The following GABRG3 variants were observed in gnomAD, a reference collection of about 807,000 sequenced individuals.
GABRG3 encodes gamma-aminobutyric acid receptor subunit gamma-3.
Under a neutral mutation model 48.8 loss-of-function variants are expected in GABRG3, and 25 were observed. That is an observed-to-expected ratio of 0.51 (90% CI 0.37 to 0.72). The LOEUF (loss-of-function observed/expected upper bound fraction) is 0.72. Ranked by LOEUF, GABRG3 falls within the 30% of genes least tolerant of loss-of-function variation. The pLI, the probability that GABRG3 is intolerant of heterozygous loss-of-function variation, is 0.00. For synonymous variants in GABRG3, 227 were observed against 217.6 expected (o/e 1.04, Z -0.38); for missense variants, 394 against 577.9 (o/e 0.68, Z 3.26).
chr15:27,308,082 A>G (rs1409997364), intron 3 of GABRG3, among the ~76,000 whole-genome samples: 2 of 134,664 alleles, frequency 1.5e-5, no homozygotes, highest in East Asian at 4.4e-4. Context: ...ATGTTTATAC[A>G]TCCAAACATA....
At position 27,466,082 on chromosome 15, in the gene GABRG3, G is replaced by T. The variant is rs543683784; in HGVS notation, c.575-14568G>T. On this transcript the variant is annotated intron_variant, in intron 5 of 9. Transcript: ENST00000615808. ...AACAACCTGTAGGCTTCAATTCAAG[G>T]CCCCTTATTTCATAAGGAAAAACAC... Among the ~76,000 whole-genome samples the T allele has an allele frequency of 2.6e-5, 4 of 152,274 alleles. No individual in the cohort carries two copies. In the East Asian group the frequency reaches 5.8e-4, roughly 22 times the overall value.
At chr15:27,503,488 A>G (rs968487241) in intron 6 of GABRG3, among the ~76,000 whole-genome samples, 3 of 152,182 alleles carry the variant, frequency 2.0e-5, no homozygotes, top group Non-Finnish European at 4.4e-5. Context: ...GGAATCATAT[A>G]AAATGGAACT....
At chr15:27,526,800 T>G (rs1891286709) in intron 7 of GABRG3, among the ~76,000 whole-genome samples, 1 of 152,222 alleles carries the variant, frequency 6.6e-6, no homozygotes, top group African/African-American at 2.4e-5. Context: ...GCCTCAAATG[T>G]GCTAGCGTCT....
chr15:27,532,873 T>C lies in GABRG3; in HGVS notation c.1396T>C (p.Tyr466His). Reference protein sequence around the residue: ...FNLVYWVGYLYL With the variant: ...FNLVYWVGYLHL The stretch of plus-strand genomic sequence containing the variant: ...CCTGGTCTACTGGGTTGGATACCTG[T>C]ATCTCTAAGTGTTGCTCAGAGTGAA... The change falls in exon 10 of 10, where the codon TAT becomes CAT. Residue 466 changes from tyrosine (Y) to histidine (H), a missense_variant. Transcript: ENST00000615808. 6.2e-7 allele frequency: 1 copy of C among 1,613,718 alleles called. No homozygotes were observed. The highest frequency in any genetic ancestry group is 8.5e-7 in the Non-Finnish European group (1 of 1,179,776).
intron 5 of GABRG3, among the ~76,000 whole-genome samples, chr15:27,468,508 G>A (rs1889686332): frequency 6.6e-6 from 1 of 152,106 alleles, no homozygotes; most frequent in African/African-American, 2.4e-5. Flanking sequence ...GTTGGTCTTA[G>A]CCAGTTTGGT....
intron 3 of GABRG3, among the ~76,000 whole-genome samples, chr15:27,271,876 G>A (rs149848583): frequency 6.6e-6 from 1 of 152,320 alleles, no homozygotes; most frequent in Non-Finnish European, 1.5e-5. Context: ...CTTAAACTGG[G>A]GTGGCTTAAT....
intron 2 of GABRG3, among the ~76,000 whole-genome samples, chr15:26,997,721 T>G (rs1566904139): frequency 6.6e-6 from 1 of 152,212 alleles, no homozygotes; most frequent in Non-Finnish European, 1.5e-5. Context: ...ATTTTTCTCT[T>G]TATCAATGGA....
chr15:27,300,120 T>C (rs775972489), intron 3 of GABRG3, among the ~76,000 whole-genome samples: 29 of 152,156 alleles, frequency 1.9e-4, no homozygotes, highest in Admixed American at 5.9e-4. Context: ...CAGAACACCA[T>C]TGAACCTGCA....
chr15:27,004,099 G>C (rs143322986), intron 2 of GABRG3, among the ~76,000 whole-genome samples: 4 of 148,244 alleles, frequency 2.7e-5, no homozygotes, highest in African/African-American at 1.0e-4. Context: ...CCTCCCTCCC[G>C]GACGGGGCGG....
intron 5 of GABRG3, among the ~76,000 whole-genome samples, chr15:27,441,081 G>A (rs865968719): frequency 6.6e-6 from 1 of 152,176 alleles, no homozygotes; most frequent in African/African-American, 2.4e-5. Context: ...AGATCAAGGG[G>A]TTGTTGTTTG....
intron 6 of GABRG3, among the ~76,000 whole-genome samples, chr15:27,493,750 A>G (rs1328871148): frequency 6.6e-6 from 1 of 152,242 alleles, no homozygotes; most frequent in Non-Finnish European, 1.5e-5. Context: ...TAGTCTCAAC[A>G]CTATGAAAAA....
chr15:27,400,512 C>T (rs776035136), intron 5 of GABRG3, among the ~76,000 whole-genome samples: 2 of 152,168 alleles, frequency 1.3e-5, no homozygotes, highest in Admixed American at 1.3e-4. Context: ...CACTTTATTA[C>T]TCTTCCATTC....
At position 27,105,834 on chromosome 15, in the gene GABRG3, A is replaced by G. The variant is rs1324207323; in HGVS notation, c.270+79013A>G. Among the ~76,000 whole-genome samples, 4 of 152,264 alleles carry G rather than the reference A, an allele frequency of 2.6e-5. No homozygotes were observed. In the East Asian group the frequency reaches 5.8e-4, roughly 22 times the overall value. ...TATATATATCTGCTTTCCCATGCTC[A>G]TTATAGCGTATCCACAATAGCCAAG... On this transcript the variant is annotated intron_variant, in intron 3 of 9. Transcript: ENST00000615808.
Position 27,208,909 on chromosome 15 carries a change from G to A in GABRG3, c.271-117900G>A, listed in dbSNP as rs372144961. Among the ~76,000 whole-genome samples the A allele has an allele frequency of 2.6e-5, 4 of 152,168 alleles. No homozygotes were observed. The South Asian group carries it at 8.3e-4, about 32-fold the overall frequency. On this transcript the variant is annotated intron_variant, in intron 3 of 9. Transcript: ENST00000615808. Reference sequence around the variant, plus strand: ...TTGGAGGACACTACAGAGCAACCCTGGCCACACATATAATTTCACATTTGT... The same window carrying A: ...TTGGAGGACACTACAGAGCAACCCTAGCCACACATATAATTTCACATTTGT...
In GABRG3 at chr15:27,139,020, T is replaced by TAGAC. The variant is rs369260047; in HGVS notation, c.270+112219_270+112222dup. The stretch of plus-strand genomic sequence containing the variant: ...GGTGGATAGGTGATAGATAGATAGA[T>TAGAC]AGACAGACAGACAGACAGACAGAGA... On this transcript the variant is annotated intron_variant, in intron 3 of 9. Transcript: ENST00000615808. Among the ~76,000 whole-genome samples, 466 of 151,878 alleles carry TAGAC rather than the reference T, an allele frequency of 3.1e-3. 1 individual carries two copies. Among genetic ancestry groups the TAGAC allele is most frequent in the Non-Finnish European group, 5.3e-3 (360 of 67,834 alleles).
chr15:27,340,257 A>G (rs1894124601), intron 5 of GABRG3, among the ~76,000 whole-genome samples: 1 of 152,154 alleles, frequency 6.6e-6, no homozygotes. Context: ...ATAATTGCAC[A>G]GTTTCTCTGC....
intron 3 of GABRG3, among the ~76,000 whole-genome samples, chr15:27,308,404 A>G (rs890926477): frequency 6.9e-6 from 1 of 145,456 alleles, no homozygotes; most frequent in African/African-American, 2.5e-5. Context: ...TATAATATAA[A>G]CATATATAAA....
intron 6 of GABRG3, among the ~76,000 whole-genome samples, chr15:27,482,096 G>A (rs1007259594): frequency 1.3e-5 from 2 of 152,192 alleles, no homozygotes; most frequent in African/African-American, 2.4e-5. Context: ...TACTAGCTCA[G>A]AAAAGTGGCA....
At chr15:27,494,675 G>A (rs1890439988) in intron 6 of GABRG3, among the ~76,000 whole-genome samples, 1 of 152,070 alleles carries the variant, frequency 6.6e-6, no homozygotes, top group Non-Finnish European at 1.5e-5. Context: ...GTCCTTACAA[G>A]ATCTGTAGTT....
Sources: gnomAD v4.1 joint callset for allele counts (sites outside exome capture counted in the v4.1 genomes callset) on GRCh38, gnomAD v4.1.1 for gene constraint, MANE v1.5 for transcripts, NCBI Gene and HGNC (gene_info 2026-07-23, HGNC 2026-07-21) for gene names.